The following ELF1 variants were observed in gnomAD, a reference collection of about 807,000 sequenced individuals.
ELF1 encodes E74 like ETS transcription factor 1.
ELF1 carries 24 observed loss-of-function variants against 59.9 expected under a neutral mutation model. The ratio of observed to expected loss-of-function variants is 0.40; its 90% CI spans 0.29 to 0.56. The LOEUF is 0.56. Ranked by LOEUF, ELF1 falls within the 20% of genes least tolerant of loss-of-function variation. ELF1 has a pLI of 0.44. For missense variants in ELF1, 627 were observed against 742.2 expected, an observed-to-expected ratio of 0.84 and a Z score of 1.80; for synonymous variants, 248 against 266.2, an observed-to-expected ratio of 0.93 and a Z score of 0.67.
In ELF1 at chr13:40,943,116, T is replaced by C; in HGVS notation, c.642A>G (p.Leu214=). The change falls in exon 7 of 9, where the codon TTA becomes TTG. Residue 214 remains leucine (L), a synonymous_variant. Coordinates refer to ENST00000239882, the MANE Select transcript of ELF1 (RefSeq NM_172373.4). ...KGNTIYLWEF[L]LALLQDKATC... Reference sequence around the variant, plus strand: ...TAGCCTTGTCCTGGAGCAGTGCCAGTAAAAACTCCCAAAGATAAATTGTGT... The same window carrying C: ...TAGCCTTGTCCTGGAGCAGTGCCAGCAAAAACTCCCAAAGATAAATTGTGT... 2 of 1,536,340 alleles carry C rather than the reference T, an allele frequency of 1.3e-6. No homozygotes were observed. The highest frequency in any genetic ancestry group is 2.6e-5 in the South Asian group (2 of 78,096).
chr13:40,980,258 G>C (rs1473142876), intron 2 of ELF1, among the ~76,000 whole-genome samples: 1 of 152,062 alleles, frequency 6.6e-6, no homozygotes, highest in Non-Finnish European at 1.5e-5. Context: ...TTAACCTCTT[G>C]ATATCTCAAT....
intron 8 of ELF1, among the ~76,000 whole-genome samples, chr13:40,937,523 G>T (rs999009769): frequency 9.2e-5 from 14 of 152,210 alleles, no homozygotes; most frequent in Non-Finnish European, 1.6e-4. Context: ...GGGCTGGAGT[G>T]CAGTGGCGCC....
intron 2 of ELF1, among the ~76,000 whole-genome samples, chr13:40,973,258 A>C (rs989081359): frequency 6.6e-6 from 1 of 152,156 alleles, no homozygotes; most frequent in Non-Finnish European, 1.5e-5. Context: ...TTTAGTGGGA[A>C]CAGGTTAAAT....
chr13:41,035,727 GAAAA>G (rs11366083), intron 1 of ELF1, among the ~76,000 whole-genome samples: 8 of 100,068 alleles, frequency 8.0e-5, no homozygotes, highest in Non-Finnish European at 1.0e-4. Context: ...AGAACAAAAA[GAAAA>G]AAAAAAAAAA....
intron 4 of ELF1, among the ~76,000 whole-genome samples, 180 bp from the exon 5 acceptor site, chr13:40,950,153 G>A (rs1870761651): frequency 1.3e-5 from 2 of 152,054 alleles, no homozygotes; most frequent in South Asian, 2.1e-4. Context: ...GTCCAGGCAC[G>A]GCGAGCTATT....
chr13:40,967,130 T>C lies in ELF1; in HGVS notation c.73-8114A>G, dbSNP rs368270486. Among the ~76,000 whole-genome samples the C allele has an allele frequency of 7.9e-5, 12 of 152,244 alleles. No homozygotes were observed. The East Asian group carries it at 1.3e-3, about 17-fold the overall frequency. ...ACTGAGGCCCCAAAGCCTTATCCTA[T>C]GAAGACACTGCTTTGAGGACTTCTG... On this transcript the variant is annotated intron_variant, in intron 2 of 8. Transcript: ENST00000239882.
intron 2 of ELF1, among the ~76,000 whole-genome samples, chr13:40,979,749 A>G (rs1275038699): frequency 6.6e-6 from 1 of 152,208 alleles, no homozygotes; most frequent in Non-Finnish European, 1.5e-5. Flanking sequence ...TTTTGTATAT[A>G]TGTATGTTCA....
intron 1 of ELF1, among the ~76,000 whole-genome samples, chr13:40,986,917 AT>A (rs1337090921): frequency 6.8e-6 from 1 of 146,596 alleles, no homozygotes; most frequent in African/African-American, 2.5e-5. Flanking sequence ...TCATAAATAT[AT>A]TTTTAGAAAA....
At chr13:40,967,820 G>A (rs1034529395) in intron 2 of ELF1, among the ~76,000 whole-genome samples, 1 of 151,730 alleles carries the variant, frequency 6.6e-6, no homozygotes, top group African/African-American at 2.4e-5. Context: ...CAAACTCCTA[G>A]GCTCAAGCAA....
intron 1 of ELF1, among the ~76,000 whole-genome samples, chr13:40,990,024 G>T (rs1873760206): frequency 6.7e-6 from 1 of 149,478 alleles, no homozygotes; most frequent in Non-Finnish European, 1.5e-5. Flanking sequence ...TACAATATAT[G>T]GTTATAGATT....
At chr13:40,967,972 ATTTTG>A (rs1310052665) in intron 2 of ELF1, among the ~76,000 whole-genome samples, 3 of 151,376 alleles carry the variant, frequency 2.0e-5, no homozygotes, top group Admixed American at 6.6e-5. Context: ...TTGGGATTTG[ATTTTG>A]TTTTATTTTT....
In ELF1 at chr13:40,943,813, T is replaced by C. The variant is rs372462313; in HGVS notation, c.613+29A>G. 3.1e-5 allele frequency: 49 copies of C among 1,586,568 alleles called. No individual in the cohort carries two copies. In the African/African-American group the frequency reaches 5.4e-4, roughly 17 times the overall value. Reference sequence around the variant, plus strand: ...GCACTATAAAGCAATCTGAGTGTTATTTGACCTATAAGTATTACACAGTAG... The same window carrying C: ...GCACTATAAAGCAATCTGAGTGTTACTTGACCTATAAGTATTACACAGTAG... On this transcript the variant is annotated intron_variant, in intron 6 of 8. Transcript: ENST00000239882.
intron 1 of ELF1, among the ~76,000 whole-genome samples, chr13:41,053,506 A>G (rs568045436): frequency 1.3e-5 from 2 of 152,298 alleles, no homozygotes; most frequent in East Asian, 3.9e-4. Context: ...CTCAGTGTGG[A>G]TATCACCTTC....
intron 3 of ELF1, among the ~76,000 whole-genome samples, chr13:40,953,740 C>T (rs1185977574): frequency 6.6e-6 from 1 of 152,212 alleles, no homozygotes; most frequent in Non-Finnish European, 1.5e-5. Flanking sequence ...TTCTCAAAGG[C>T]TCCCCGTCAC....
chr13:40,983,579 T>C (rs1873399465), intron 1 of ELF1, among the ~76,000 whole-genome samples: 1 of 152,134 alleles, frequency 6.6e-6, no homozygotes, highest in Non-Finnish European at 1.5e-5. Context: ...ACCCAGCAAA[T>C]TTCCCACTCT....
intron 2 of ELF1, among the ~76,000 whole-genome samples, chr13:40,968,699 C>G (rs905438546): frequency 1.6e-4 from 25 of 151,798 alleles, no homozygotes; most frequent in African/African-American, 6.1e-4. Flanking sequence ...AACTCAAGCT[C>G]CCTGTAAACA....
chr13:41,042,539 A>G (rs1876661042), intron 1 of ELF1, among the ~76,000 whole-genome samples: 1 of 151,420 alleles, frequency 6.6e-6, no homozygotes. Flanking sequence ...ATTCCTACCT[A>G]TGAGTGAGAA....
At chr13:40,977,452 C>T (rs1295992860) in intron 2 of ELF1, among the ~76,000 whole-genome samples, 1 of 152,038 alleles carries the variant, frequency 6.6e-6, no homozygotes, top group Non-Finnish European at 1.5e-5. Context: ...TGACCCCTGC[C>T]ATCTCCACTC....
At chr13:40,940,788 C>G (rs749960348) in intron 8 of ELF1, 133 bp downstream of exon 8, 36 of 1,029,590 alleles carry the variant, frequency 3.5e-5, no homozygotes, top group Non-Finnish European at 4.9e-5. Flanking sequence ...CCTGAAAAAT[C>G]TGGTAACCAA....
Sources: gnomAD v4.1 joint callset for allele counts (sites outside exome capture counted in the v4.1 genomes callset) on GRCh38, gnomAD v4.1.1 for gene constraint, MANE v1.5 for transcripts, NCBI Gene and HGNC (gene_info 2026-07-23, HGNC 2026-07-21) for gene names.